Variants in DPP4 observed in about 807,000 individuals in gnomAD.
DPP4 encodes the protein ADCP-2.
DPP4 carries 93 observed loss-of-function variants against 122.4 expected under a neutral mutation model. That is an observed-to-expected ratio of 0.76 (90% confidence interval 0.64 to 0.90). The LOEUF is 0.90. DPP4 is among the 40% of genes least tolerant of loss of function. The probability of loss-of-function intolerance (pLI) is 0.00; values close to 1 mark genes in which losing one functional copy is unlikely to be tolerated. For synonymous variants in DPP4, 321 were observed against 302.9 expected (o/e 1.06, Z -0.62); for missense variants, 914 against 907.3 (o/e 1.01, Z -0.09).
At chr2:162,001,204 A>G (rs1285526707) in intron 23 of DPP4, among the ~76,000 whole-genome samples, 1 of 152,204 alleles carries the variant, frequency 6.6e-6, no homozygotes, top group Non-Finnish European at 1.5e-5. Flanking sequence ...CAGTACTTGG[A>G]GGATCTGGAG....
At chr2:162,023,815 G>A (rs907008180) in intron 11 of DPP4, among the ~76,000 whole-genome samples, 35 of 152,178 alleles carry the variant, frequency 2.3e-4, no homozygotes, top group African/African-American at 7.2e-4. Flanking sequence ...CTCCTCAAAC[G>A]TTGATCCTCA....
chr2:162,020,655 C>T lies in DPP4; in HGVS notation c.1102G>A (p.Gly368Ser), dbSNP rs1462565407. The change falls in exon 13 of 26, where the codon GGT becomes AGT. Residue 368 changes from glycine (G) to serine (S), a missense_variant. By Grantham distance (56) the Gly-to-Ser change is moderately conservative. Coordinates refer to ENST00000360534, the MANE Select transcript of DPP4 (RefSeq NM_001935.4). ...CTGATGATCTTGTAGAAGCTATTAC[C>T]ATCAAGGGTAAAATGAGGTTCTGAA... ...RPSEPHFTLD[G>S]NSFYKIISNE... The T allele has an allele frequency of 6.2e-7, 1 of 1,612,310 alleles. No homozygotes were observed. Among genetic ancestry groups the T allele is most frequent in the South Asian group, 1.1e-5 (1 of 90,404 alleles).
At chr2:162,070,719 C>T (rs182629043) in intron 2 of DPP4, among the ~76,000 whole-genome samples, 1 of 152,170 alleles carries the variant, frequency 6.6e-6, no homozygotes, top group East Asian at 1.9e-4. Context: ...ATGGCACAGC[C>T]CAGGAAAGGT....
intron 11 of DPP4, among the ~76,000 whole-genome samples, chr2:162,023,231 C>T (rs763692121): frequency 6.6e-6 from 1 of 152,150 alleles, no homozygotes; most frequent in African/African-American, 2.4e-5. Flanking sequence ...TCCTTCTCTA[C>T]AGCTAAGGGC....
intron 19 of DPP4, among the ~76,000 whole-genome samples, chr2:162,012,985 T>C (rs1427818795): frequency 1.3e-5 from 2 of 152,142 alleles, no homozygotes; most frequent in Non-Finnish European, 2.9e-5. Context: ...GGAAAATGCA[T>C]TCATGCATTT....
In DPP4 at chr2:162,011,861, A is replaced by G. The variant is rs761296077; in HGVS notation, c.1764T>C (p.Asp588=). The G allele has an allele frequency of 1.9e-5, 31 of 1,613,580 alleles. No individual in the cohort carries two copies. Among genetic ancestry groups the G allele is most frequent in the Non-Finnish European group, 2.3e-5 (27 of 1,179,766 alleles). The change falls in exon 20 of 26, where the codon GAT becomes GAC. Residue 588 remains aspartate (D), a synonymous_variant. Transcript: ENST00000360534. ...TTCTGTTGATTGCATGCATGATCTTATCTCCTTGGTAACCACTTCCTCTGC... is the reference window on the plus strand; with the variant it reads ...TTCTGTTGATTGCATGCATGATCTTGTCTCCTTGGTAACCACTTCCTCTGC... ...FDGRGSGYQG[D]KIMHAINRRL...
chr2:162,055,160 T>C (rs555409489), intron 2 of DPP4, among the ~76,000 whole-genome samples: 8 of 152,322 alleles, frequency 5.3e-5, no homozygotes, highest in Middle Eastern at 3.4e-3. Flanking sequence ...AGAAAAATAT[T>C]TAGGATAAGT....
At position 162,016,907 on chromosome 2, in the gene DPP4, G is replaced by A. The variant is rs1559710050; in HGVS notation, c.1469-41C>T. ...AGACAGCAGTCATTCATTACAATGT[G>A]AAAAATGTGGATTATGTAGTGCAAT... On this transcript the variant is annotated intron_variant, in intron 17 of 25. Coordinates refer to ENST00000360534, the MANE Select transcript of DPP4 (RefSeq NM_001935.4). 3 of 1,565,316 alleles carry A rather than the reference G, an allele frequency of 1.9e-6. No homozygotes were observed. The South Asian group carries it at 3.5e-5, about 18-fold the overall frequency.
chr2:162,060,364 T>C (rs1481491911), intron 2 of DPP4, among the ~76,000 whole-genome samples: 1 of 152,216 alleles, frequency 6.6e-6, no homozygotes, highest in Non-Finnish European at 1.5e-5. Flanking sequence ...GTAAGAAGGA[T>C]GGCAACTCTG....
intron 2 of DPP4, among the ~76,000 whole-genome samples, chr2:162,055,635 G>A (rs969146986): frequency 5.3e-5 from 8 of 150,192 alleles, no homozygotes; most frequent in Admixed American, 4.0e-4. Flanking sequence ...CTGTGCCACT[G>A]CACTCCAGCC....
At chr2:161,996,291 T>A (rs1198859300) in intron 23 of DPP4, among the ~76,000 whole-genome samples, 1 of 151,940 alleles carries the variant, frequency 6.6e-6, no homozygotes, top group African/African-American at 2.4e-5. Flanking sequence ...TGAGCTAGAG[T>A]CTACTTTGAT....
intron 5 of DPP4, among the ~76,000 whole-genome samples, chr2:162,044,404 G>A (rs1383738077): frequency 6.6e-6 from 1 of 151,610 alleles, no homozygotes; most frequent in Non-Finnish European, 1.5e-5. Flanking sequence ...GTTGGTGTGT[G>A]AGTGTTGGTG....
intron 23 of DPP4, among the ~76,000 whole-genome samples, chr2:162,001,919 G>A (rs774979448): frequency 2.0e-5 from 3 of 152,120 alleles, no homozygotes; most frequent in African/African-American, 4.8e-5. Context: ...GAGGTGGGGG[G>A]GATGAACATC....
intron 10 of DPP4, among the ~76,000 whole-genome samples, chr2:162,027,811 C>T (rs1683386616): frequency 6.6e-6 from 1 of 152,036 alleles, no homozygotes; most frequent in African/African-American, 2.4e-5. Context: ...GGGAAGTCAG[C>T]CAGGAAACTC....
intron 23 of DPP4, among the ~76,000 whole-genome samples, chr2:161,996,169 A>G (rs982763337): frequency 6.6e-6 from 1 of 152,178 alleles, no homozygotes; most frequent in Non-Finnish European, 1.5e-5. Context: ...TGGATGAAAA[A>G]GCCATTTGAA....
chr2:162,073,055 C>G (rs1223824553), intron 2 of DPP4, among the ~76,000 whole-genome samples: 1 of 151,644 alleles, frequency 6.6e-6, no homozygotes, highest in African/African-American at 2.4e-5. Context: ...TCGATCACAC[C>G]CAAAAACTTT....
chr2:162,023,821 C>T (rs968253726), intron 11 of DPP4, among the ~76,000 whole-genome samples: 4 of 152,210 alleles, frequency 2.6e-5, no homozygotes, highest in Non-Finnish European at 5.9e-5. Flanking sequence ...AAACGTTGAT[C>T]CTCAGCTTCC....
chr2:162,020,533 A>C (rs1195334650), intron 13 of DPP4, 48 bp downstream of exon 13: 1 of 1,313,838 alleles, frequency 7.6e-7, no homozygotes, highest in African/African-American at 1.5e-5. Flanking sequence ...TTGGTTTCCA[A>C]AAAAAAAAAA....
chr2:162,064,109 T>G (rs1177999817), intron 2 of DPP4, among the ~76,000 whole-genome samples: 1 of 152,186 alleles, frequency 6.6e-6, no homozygotes, highest in African/African-American at 2.4e-5. Context: ...TTCAGTTTTC[T>G]TATCAAAACA....
Sources: gnomAD v4.1 joint callset for allele counts (sites outside exome capture counted in the v4.1 genomes callset) on GRCh38, gnomAD v4.1.1 for gene constraint, MANE v1.5 for transcripts, NCBI Gene and HGNC (gene_info 2026-07-23, HGNC 2026-07-21) for gene names.